The following ZNF44 variants were observed in gnomAD, a reference collection of about 807,000 sequenced individuals.
The protein encoded by ZNF44 is zinc finger protein 44.
In ZNF44, 9 loss-of-function variants were observed where a neutral mutation model predicts 11.7. That is an observed-to-expected ratio of 0.77 (90% CI 0.46 to 1.35). ZNF44 has a LOEUF of 1.35. ZNF44 is among the 40% of genes most tolerant of loss of function. The pLI is 0.00. For missense variants in ZNF44, 696 were observed against 743.1 expected (o/e 0.94, Z 0.74); for synonymous variants, 224 against 242.7 (o/e 0.92, Z 0.72).
exon 8 of ZNF44, chr19:12,248,520 G>A: frequency 7.7e-7 from 1 of 1,290,884 alleles, no homozygotes; most frequent in Non-Finnish European, 1.0e-6. Context: ...CCTGTTAAGG[G>A]ATGAATGATG....
At chr19:12,276,143 CTCACCTTCA>C in intron 1 of ZNF44, 61 bp from the exon 2 acceptor site, 1 of 1,567,190 alleles carries the variant, frequency 6.4e-7, no homozygotes, top group Admixed American at 1.7e-5. Context: ...AGAACCTATA[CTCACCTTCA>C]TAAACTTCCC....
In ZNF44 at chr19:12,272,213, C is replaced by T; in HGVS notation, c.*194G>A. 2.2e-6 allele frequency: 2 copies of T among 890,710 alleles called. No individual in the cohort carries two copies. Among genetic ancestry groups the T allele is most frequent in the Middle Eastern group, 3.9e-4 (1 of 2,538 alleles). 55.2% of individuals were successfully genotyped at this position (890,710 alleles called of 1,614,324 possible). On this transcript the variant is annotated 3_prime_UTR_variant, in exon 4 of 4. Transcript: ENST00000355684. The stretch of plus-strand genomic sequence containing the variant: ...TAGAGACAGGGTTTCCCATGTTAGC[C>T]AGGCTGGTCTCGATCTCCTGGCCTC...
chr19:12,245,502 A>G (rs1450926741), downstream of ZNF44, among the ~76,000 whole-genome samples: 1 of 152,210 alleles, frequency 6.6e-6, no homozygotes, highest in Non-Finnish European at 1.5e-5. Flanking sequence ...TTGTTTTCAC[A>G]TAGACTGTGT....
intron 1 of ZNF44, chr19:12,284,518 A>C (rs1967639411): frequency 1.4e-6 from 1 of 690,196 alleles, no homozygotes; most frequent in Admixed American, 1.9e-5. Flanking sequence ...TGCCTGGTCA[A>C]GGACATGAAG....
chr19:12,256,864 C>T (rs562137648), intron 5 of ZNF44, among the ~76,000 whole-genome samples: 6 of 152,034 alleles, frequency 3.9e-5, no homozygotes, highest in South Asian at 4.2e-4. Flanking sequence ...ACCATCACAC[C>T]GGGCAAATTT....
chr19:12,234,027 A>G (rs1182517159), intron 2 of ZNF44, among the ~76,000 whole-genome samples: 2 of 150,706 alleles, frequency 1.3e-5, no homozygotes, highest in East Asian at 1.9e-4. Flanking sequence ...GCGCTGCTGC[A>G]CTCCAGCCTG....
intron 5 of ZNF44, chr19:12,260,614 CAAAAACAA>C: frequency 1.6e-6 from 1 of 623,748 alleles, no homozygotes; most frequent in Non-Finnish European, 2.9e-6. Context: ...AAAACAAAAA[CAAAAACAA>C]AAAAACAAAA....
intron 5 of ZNF44, among the ~76,000 whole-genome samples, chr19:12,258,034 A>T (rs1917335615): frequency 6.6e-6 from 1 of 151,082 alleles, no homozygotes; most frequent in Non-Finnish European, 1.5e-5. Flanking sequence ...TTAAAAGGAG[A>T]AATACTCGGC....
downstream of ZNF44, chr19:12,242,688 A>AG (rs55766132): frequency 1.3e-4 from 20 of 149,540 alleles, no homozygotes; most frequent in Admixed American, 1.0e-3. Context: ...AAAAAAAAAA[A>AG]TATGATTTAA....
At chr19:12,239,634 G>A (rs112668686), upstream of ZNF44, among the ~76,000 whole-genome samples, 9 of 142,300 alleles carry the variant, frequency 6.3e-5, no homozygotes, top group African/African-American at 2.4e-4. Flanking sequence ...GGAGTGCAGT[G>A]GCGTGGTGTC....
chr19:12,252,362 T>C (rs1917043494), intron 5 of ZNF44, among the ~76,000 whole-genome samples: 1 of 152,206 alleles, frequency 6.6e-6, no homozygotes. Flanking sequence ...CGTAGTACTT[T>C]CTGAGACAAA....
At chr19:12,260,062 A>G (rs1917437662) in intron 5 of ZNF44, 1 of 530,082 alleles carries the variant, frequency 1.9e-6, no homozygotes, top group Admixed American at 2.3e-5. Context: ...CAACCCAGGC[A>G]TCAGTCACAA....
chr19:12,234,922 A>T (rs776474427), intron 1 of ZNF44: 1 of 152,292 alleles, frequency 6.6e-6, no homozygotes, highest in Non-Finnish European at 1.5e-5. Context: ...GGACATGGAC[A>T]AACAGAGGTT....
At chr19:12,285,801 G>A (rs964551984) in intron 1 of ZNF44, among the ~76,000 whole-genome samples, 1 of 151,680 alleles carries the variant, frequency 6.6e-6, no homozygotes, top group Non-Finnish European at 1.5e-5. Context: ...GGCGGATCAC[G>A]AGGTCAGGAG....
chr19:12,231,548 T>G (rs993737658), intron 2 of ZNF44, among the ~76,000 whole-genome samples: 2 of 152,138 alleles, frequency 1.3e-5, no homozygotes, highest in Non-Finnish European at 2.9e-5. Context: ...ATGAGACATT[T>G]AAGTCAAAGG....
chr19:12,268,149 C>CACAG (rs1555739620), downstream of ZNF44, among the ~76,000 whole-genome samples: 14 of 85,948 alleles, frequency 1.6e-4, no homozygotes, highest in Non-Finnish European at 3.7e-4. Flanking sequence ...CACACAGACA[C>CACAG]ACACACACAC....
downstream of ZNF44, among the ~76,000 whole-genome samples, chr19:12,245,372 T>C (rs774791453): frequency 1.3e-5 from 2 of 152,240 alleles, no homozygotes; most frequent in African/African-American, 4.8e-5. Context: ...AAGAAATACC[T>C]GCAGAAGTTG....
chr19:12,279,093 G>A (rs140241461), intron 1 of ZNF44, among the ~76,000 whole-genome samples: 2 of 152,260 alleles, frequency 1.3e-5, no homozygotes, highest in Admixed American at 6.5e-5. Flanking sequence ...CTGTCAGAAC[G>A]CTGGATGAAC....
chr19:12,255,052 G>T (rs1196841283), intron 5 of ZNF44, among the ~76,000 whole-genome samples: 1 of 151,824 alleles, frequency 6.6e-6, no homozygotes, highest in Admixed American at 6.6e-5. Flanking sequence ...TCGTGCCACT[G>T]CACTCCAGCC....
Sources: gnomAD v4.1 joint callset for allele counts (sites outside exome capture counted in the v4.1 genomes callset) on GRCh38, gnomAD v4.1.1 for gene constraint, MANE v1.5 for transcripts, NCBI Gene and HGNC (gene_info 2026-07-23, HGNC 2026-07-21) for gene names.